RGPD4: variants seen among roughly 807,000 people sequenced by gnomAD.
The protein encoded by RGPD4 is ranBP2-like and GRIP domain-containing protein 4.
In RGPD4, 84 loss-of-function variants were observed where a neutral mutation model predicts 141.1. That is an observed-to-expected ratio of 0.60 (90% CI 0.50 to 0.71). The LOEUF (loss-of-function observed/expected upper bound fraction) is 0.71. Among genes scored for constraint, RGPD4 ranks in the 30% least tolerant of loss-of-function variants. The pLI, the probability that RGPD4 is intolerant of heterozygous loss-of-function variation, is 0.00. For missense variants in RGPD4, 918 were observed against 1,622.4 expected (o/e 0.57, Z 7.46); for synonymous variants, 298 against 566.8 (o/e 0.53, Z 6.74).
At position 107,879,983 on chromosome 2, in the gene RGPD4, A is replaced by G. The variant is rs1270499295; in HGVS notation, c.4940A>G (p.His1647Arg). 2.5e-6 allele frequency: 4 copies of G among 1,611,394 alleles called. No individual in the cohort carries two copies. Among genetic ancestry groups the G allele is most frequent in the Middle Eastern group, 4.5e-4 (2 of 4,430 alleles). Reference sequence around the variant, plus strand: ...CATGTTGCAGAGCCTCCATTATGGCATGCTGAATTTACCAAAGAAGAATTG... The same window carrying G: ...CATGTTGCAGAGCCTCCATTATGGCGTGCTGAATTTACCAAAGAAGAATTG... ...KTPEKEPPLW[H>R]AEFTKEELVQ... The change falls in exon 21 of 23, where the codon CAT becomes CGT. Residue 1647 changes from histidine (H) to arginine (R), a missense_variant. Transcript: ENST00000408999.
chr2:107,833,792 A>T (rs970432690), intron 1 of RGPD4, among the ~76,000 whole-genome samples: 47 of 152,274 alleles, frequency 3.1e-4, no homozygotes, highest in African/African-American at 1.1e-3. Flanking sequence ...TAATCCCAGC[A>T]TTTTGGGAGG....
intron 6 of RGPD4, among the ~76,000 whole-genome samples, chr2:107,847,594 G>A (rs1464849602): frequency 1.0e-4 from 6 of 58,676 alleles, no homozygotes; most frequent in East Asian, 9.6e-4. Context: ...AAGCTGAGGC[G>A]GGCGGATCGT....
At chr2:107,883,398 G>A (rs140152472) in intron 22 of RGPD4, among the ~76,000 whole-genome samples, 6,082 of 151,304 alleles carry the variant, frequency 0.04, 480 homozygotes, top group African/African-American at 0.14. Flanking sequence ...TTGGGAGGCC[G>A]AGGCAGGCGG....
intron 1 of RGPD4, among the ~76,000 whole-genome samples, chr2:107,829,533 G>C (rs1178496281): frequency 1.6e-5 from 2 of 128,204 alleles, no homozygotes. Context: ...CTGTTGAGGC[G>C]GCGGCCTCGA....
intron 20 of RGPD4, among the ~76,000 whole-genome samples, chr2:107,877,812 TTTTG>T (rs1409326316): frequency 7.9e-5 from 12 of 151,782 alleles, no homozygotes; most frequent in African/African-American, 2.7e-4. Context: ...CTAAGGTTTT[TTTTG>T]TTTGTTTTTT....
At position 107,843,737 on chromosome 2, in the gene RGPD4, T is replaced by A; in HGVS notation, c.782+7T>A. The A allele has an allele frequency of 4.6e-6, 1 of 219,050 alleles. No homozygotes were observed. The highest frequency in any genetic ancestry group is 8.5e-6 in the Non-Finnish European group (1 of 117,612). 13.6% of individuals were successfully genotyped at this position (219,050 alleles called of 1,614,324 possible). On this transcript the variant is annotated splice_region_variant and intron_variant, in intron 6 of 22. Transcript: ENST00000408999. Reference sequence around the variant, plus strand: ...GTAGAGAATTACTGGAAAGGTGCGTTGACTTTGAGGAGAATGCTTTAGTAT... The same window carrying A: ...GTAGAGAATTACTGGAAAGGTGCGTAGACTTTGAGGAGAATGCTTTAGTAT...
chr2:107,857,945 C>T (rs550885970), intron 9 of RGPD4, among the ~76,000 whole-genome samples: 3 of 151,954 alleles, frequency 2.0e-5, no homozygotes, highest in South Asian at 4.1e-4. Flanking sequence ...GCCAAGATGA[C>T]ACTGCTGCAC....
chr2:107,850,803 C>T (rs1192540168), intron 7 of RGPD4, among the ~76,000 whole-genome samples: 1 of 6,850 alleles, frequency 1.5e-4, no homozygotes, highest in Admixed American at 1.3e-3. Context: ...CCCACCACCA[C>T]GCCTGGCTAA....
intron 11 of RGPD4, 41 bp from the exon 12 acceptor site, chr2:107,859,681 G>C (rs755923121): frequency 4.1e-5 from 66 of 1,611,056 alleles, no homozygotes; most frequent in Non-Finnish European, 5.5e-5. Context: ...GCTGAACTGT[G>C]TATTTAGAAA....
chr2:107,865,211 T>C (rs1175157910), intron 17 of RGPD4, among the ~76,000 whole-genome samples: 4 of 152,098 alleles, frequency 2.6e-5, no homozygotes, highest in African/African-American at 2.4e-5. Context: ...CATTTTAAGA[T>C]AGGAGCTAAT....
chr2:107,885,806 A>AC (rs1250965195), intron 22 of RGPD4, among the ~76,000 whole-genome samples: 1 of 152,054 alleles, frequency 6.6e-6, no homozygotes, highest in African/African-American at 2.4e-5. Context: ...GTAATCCAGC[A>AC]CTTTGGGAGG....
At chr2:107,835,500 C>G (rs1469785652) in intron 1 of RGPD4, among the ~76,000 whole-genome samples, 1 of 148,080 alleles carries the variant, frequency 6.8e-6, no homozygotes, top group Non-Finnish European at 1.5e-5. Context: ...AAATACTGAT[C>G]TGATCTGTAG....
intron 7 of RGPD4, among the ~76,000 whole-genome samples, chr2:107,854,182 GT>G (rs1365701862): frequency 7.7e-6 from 1 of 129,532 alleles, no homozygotes; most frequent in African/African-American, 3.2e-5. Flanking sequence ...AGCCTCCTGT[GT>G]AGCTGGAATT....
chr2:107,871,083 G>A lies in RGPD4; in HGVS notation c.3079G>A (p.Ala1027Thr), dbSNP rs1156655082. ...CGGTGACTTTGAGAAAGATGATGAT[G>A]CCTATAAGACTGAGGACAGCGATGA... ...TSGDFEKDDD[A>T]YKTEDSDDIH... Residue 1027 changes from alanine (A) to threonine (T), a missense_variant, in exon 20 of 23, where the codon GCC (alanine) becomes ACC (threonine). By Grantham distance (58) the Ala-to-Thr change is moderately conservative. Transcript: ENST00000408999. 2.5e-6 allele frequency: 4 copies of A among 1,611,072 alleles called. No individual in the cohort carries two copies. The Admixed American group carries it at 5.0e-5, about 20-fold the overall frequency.
chr2:107,836,472 T>TA (rs1558791349), intron 1 of RGPD4, 130 bp from the exon 2 acceptor site: 18 of 961,040 alleles, frequency 1.9e-5, no homozygotes, highest in East Asian at 5.9e-5. Context: ...TGTCAGGCTT[T>TA]AAAAAAAATT....
chr2:107,874,665 A>G (rs2580966), intron 20 of RGPD4, among the ~76,000 whole-genome samples: 2,337 of 150,956 alleles, frequency 0.015, 103 homozygotes, highest in African/African-American at 0.055. Flanking sequence ...TGACCTAAGA[A>G]CGAATGTGCC....
At chr2:107,887,198 C>T (rs1205077715) in intron 22 of RGPD4, among the ~76,000 whole-genome samples, 6 of 151,980 alleles carry the variant, frequency 3.9e-5, no homozygotes, top group Admixed American at 2.0e-4. Flanking sequence ...AACTTCTGGT[C>T]GAAATCCTGG....
chr2:107,856,113 G>A (rs1296718197), intron 8 of RGPD4, among the ~76,000 whole-genome samples: 2 of 128,558 alleles, frequency 1.6e-5, no homozygotes, highest in Non-Finnish European at 3.2e-5. Context: ...GAGTGCAGTG[G>A]CGTGATCTCG....
Position 107,870,878 on chromosome 2 carries a change from C to A in RGPD4, c.2874C>A (p.Gly958=), listed in dbSNP as rs1553448466. Residue 958 remains glycine (G), a synonymous_variant, in exon 20 of 23, where the codon GGC becomes GGA. Coordinates refer to ENST00000408999, the MANE Select transcript of RGPD4 (RefSeq NM_182588.3). ...AGGATATTAGTGGCCAGAAGAATGGCCGTGGTGTGATTTTTGGCCAAACAA... is the reference window on the plus strand; with the variant it reads ...AGGATATTAGTGGCCAGAAGAATGGACGTGGTGTGATTTTTGGCCAAACAA... ...QAQDISGQKN[G]RGVIFGQTSS... is the part of the protein sequence containing the mutation. 3 of 1,610,042 alleles carry A rather than the reference C, an allele frequency of 1.9e-6. No individual in the cohort carries two copies. Among genetic ancestry groups the A allele is most frequent in the Middle Eastern group, 2.3e-4 (1 of 4,428 alleles).
Sources: allele counts gnomAD v4.1 joint callset (sites outside exome capture counted in the v4.1 genomes callset), GRCh38; gene constraint gnomAD v4.1.1; transcripts MANE v1.5; gene names NCBI Gene and HGNC (gene_info 2026-07-23, HGNC 2026-07-21).